The following WDR3 variants were observed in gnomAD, a reference collection of about 807,000 sequenced individuals.
WDR3 encodes the protein WD repeat domain 3, also known as WD repeat-containing protein 3.
A neutral mutation model predicts 123.7 loss-of-function variants in WDR3; 81 were observed. That is an observed-to-expected ratio of 0.65 (90% CI 0.55 to 0.79). The LOEUF is 0.79. WDR3 is among the 30% of genes least tolerant of loss of function. WDR3 has a pLI of 0.00. For synonymous variants in WDR3, 390 were observed against 388.8 expected (o/e 1.00, Z -0.04); for missense variants, 1,027 against 1,123.2 (o/e 0.91, Z 1.22).
chr1:117,958,113 T>G (rs557781060), intron 25 of WDR3, among the ~76,000 whole-genome samples: 7 of 152,280 alleles, frequency 4.6e-5, no homozygotes, highest in African/African-American at 1.7e-4. Context: ...CAAATACTGT[T>G]ATGAAGACAA....
Position 117,933,508 on chromosome 1 carries a change from A to C in WDR3, c.171+18A>C, listed in dbSNP as rs1650808260. 3 of 1,613,834 alleles carry C rather than the reference A, an allele frequency of 1.9e-6. No homozygotes were observed. The Admixed American group carries it at 5.0e-5, about 27-fold the overall frequency. ...GAGAGAAGGTGAGCCTAAAATGACC[A>C]GTTTGATACTGATTTATTGGTATTT... On this transcript the variant is annotated intron_variant, in intron 2 of 26. Coordinates refer to ENST00000349139, the MANE Select transcript of WDR3 (RefSeq NM_006784.3).
intron 1 of WDR3, among the ~76,000 whole-genome samples, chr1:117,933,077 G>A (rs1281069243): frequency 1.3e-5 from 2 of 151,400 alleles, no homozygotes; most frequent in Non-Finnish European, 2.9e-5. Context: ...GGTGGCACAT[G>A]CCTGTAGTCC....
At chr1:117,940,752 A>C (rs1057210868) in intron 6 of WDR3, 75 bp from the exon 7 acceptor site, 10 of 1,080,934 alleles carry the variant, frequency 9.3e-6, no homozygotes, top group African/African-American at 3.7e-5. Context: ...ACAACAACAA[A>C]ACAACAACAA....
At chr1:117,958,786 T>A in intron 25 of WDR3, 124 bp from the exon 26 acceptor site, 2 of 515,636 alleles carry the variant, frequency 3.9e-6, no homozygotes, top group Non-Finnish European at 6.5e-6. Flanking sequence ...TTTTTTTTGC[T>A]CGAAACATTT....
At chr1:117,956,694 A>C (rs1652248890) in intron 24 of WDR3, among the ~76,000 whole-genome samples, 1 of 152,198 alleles carries the variant, frequency 6.6e-6, no homozygotes, top group African/African-American at 2.4e-5. Context: ...ATAGTGTAGC[A>C]TTGGTGTCAG....
chr1:117,943,333 GA>G, intron 10 of WDR3, 62 bp from the exon 11 acceptor site: 1 of 1,414,974 alleles, frequency 7.1e-7, no homozygotes, highest in Non-Finnish European at 9.7e-7. Flanking sequence ...CCTTTTCCTG[GA>G]AAAAGTAAAC....
chr1:117,964,697 C>T lies in WDR3; in HGVS notation c.*5250C>T, dbSNP rs971171183. ...TTTACTTACTTTATGTATTGTCTGT[C>T]CTCCCACTGGAATGTAAGCTACATA... is the stretch of plus-strand genomic sequence containing the variant. On this transcript the variant is annotated 3_prime_UTR_variant, in exon 27 of 27. Transcript: ENST00000349139. The T allele has an allele frequency of 3.3e-5, 5 of 152,170 alleles. No individual in the cohort carries two copies. The highest frequency in any genetic ancestry group is 5.9e-5 in the Non-Finnish European group (4 of 68,010). The allele number at this position is 152,170 out of a possible 1,614,324, so 9.4% of individuals were successfully genotyped here.
chr1:117,949,754 G>T lies in WDR3; in HGVS notation c.1528G>T (p.Gly510Cys). The change falls in exon 14 of 27, where the codon GGC (glycine) becomes TGC (cysteine). Residue 510 changes from glycine (G) to cysteine (C), a missense_variant. Coordinates refer to ENST00000349139, the MANE Select transcript of WDR3 (RefSeq NM_006784.3). ...TGAAATTTCATTTGATTTTCAGCGT[G>T]GCTTTGTGACAGGTGGTGCAGATAA... ...WSMSLSPDQR[G>C]FVTGGADKSV... 6.2e-7 allele frequency: 1 copy of T among 1,612,814 alleles called. No individual in the cohort carries two copies. The highest frequency in any genetic ancestry group is 1.1e-5 in the South Asian group (1 of 90,778).
Position 117,959,735 on chromosome 1 carries a change from G to C in WDR3, c.*288G>C. 4.4e-6 allele frequency: 1 copy of C among 225,408 alleles called. No homozygotes were observed. The highest frequency in any genetic ancestry group is 8.5e-6 in the Non-Finnish European group (1 of 117,112). 14.0% of individuals were successfully genotyped at this position (225,408 alleles called of 1,614,324 possible). On this transcript the variant is annotated 3_prime_UTR_variant, in exon 27 of 27. Transcript: ENST00000349139. ...GTTGTTCCCTTTATATTCTAGCAGG[G>C]AATAAATAATTGTTTTAATTAGGTA...
intron 3 of WDR3, among the ~76,000 whole-genome samples, chr1:117,936,133 TTAAA>T (rs1381741221): frequency 6.6e-6 from 1 of 152,150 alleles, no homozygotes; most frequent in African/African-American, 2.4e-5. Flanking sequence ...AATAATAGAG[TTAAA>T]TGAATGGGGA....
chr1:117,959,188 A>G (rs993766428), intron 26 of WDR3, 104 bp from the exon 27 acceptor site: 4 of 1,433,676 alleles, frequency 2.8e-6, no homozygotes, highest in African/African-American at 2.9e-5. Context: ...TGAGGGAAAG[A>G]TAAGTAACAA....
At chr1:117,958,820 C>T (rs948823419) in intron 25 of WDR3, 90 bp from the exon 26 acceptor site, 50 of 544,346 alleles carry the variant, frequency 9.2e-5, no homozygotes, top group South Asian at 1.1e-4. Context: ...TTTGTTGTTG[C>T]TTTGATATTG....
At chr1:117,947,768 C>T (rs1230528090) in intron 12 of WDR3, among the ~76,000 whole-genome samples, 1 of 152,210 alleles carries the variant, frequency 6.6e-6, no homozygotes, top group Non-Finnish European at 1.5e-5. Context: ...CCACCTTGTG[C>T]AGAAGCTCAT....
chr1:117,963,909 G>T lies in WDR3; in HGVS notation c.*4462G>T, dbSNP rs368238767. 2 of 1,613,820 alleles carry T rather than the reference G, an allele frequency of 1.2e-6. No homozygotes were observed. The highest frequency in any genetic ancestry group is 4.5e-5 in the East Asian group (2 of 44,866). ...TTTCCCTGGGGAAAGTCTTTTGGTCGTTTATCATAATTGCTGCTTGTTAAA... is the reference window on the plus strand; with the variant it reads ...TTTCCCTGGGGAAAGTCTTTTGGTCTTTTATCATAATTGCTGCTTGTTAAA... On this transcript the variant is annotated 3_prime_UTR_variant, in exon 27 of 27. Transcript: ENST00000349139.
chr1:117,950,228 C>T (rs1651560183), intron 15 of WDR3, 98 bp downstream of exon 15: 6 of 1,371,284 alleles, frequency 4.4e-6, no homozygotes, highest in South Asian at 1.5e-5. Flanking sequence ...CTGTGCCCAG[C>T]GATAGTACAT....
intron 23 of WDR3, chr1:117,955,020 A>G: frequency 2.5e-6 from 1 of 392,866 alleles, no homozygotes; most frequent in Non-Finnish European, 4.5e-6. Context: ...ATGTTTATCT[A>G]GTAATCTCTA....
At chr1:117,937,760 G>C (rs1191041735) in intron 4 of WDR3, among the ~76,000 whole-genome samples, 1 of 152,110 alleles carries the variant, frequency 6.6e-6, no homozygotes, top group African/African-American at 2.4e-5. Context: ...GTAGTGAGGA[G>C]GTAGGGAAGA....
In WDR3 at chr1:117,953,554, A is replaced by G; in HGVS notation, c.2268+13A>G. On this transcript the variant is annotated intron_variant, in intron 21 of 26. Coordinates refer to ENST00000349139, the MANE Select transcript of WDR3 (RefSeq NM_006784.3). Reference sequence around the variant, plus strand: ...AACAGTGAAAGCAGTAAGTTGATATAGAATGTGGTATCTCGTTTTTTAATA... The same window carrying G: ...AACAGTGAAAGCAGTAAGTTGATATGGAATGTGGTATCTCGTTTTTTAATA... 2 of 1,609,144 alleles carry G rather than the reference A, an allele frequency of 1.2e-6. No individual in the cohort carries two copies. Among genetic ancestry groups the G allele is most frequent in the Non-Finnish European group, 1.7e-6 (2 of 1,177,584 alleles).
rs545726441 is a variant in WDR3, at chr1:117,953,629, A to T, written c.2268+88A>T. The T allele has an allele frequency of 3.0e-5, 42 of 1,408,158 alleles. No individual in the cohort carries two copies. The African/African-American group carries it at 4.8e-4, about 16-fold the overall frequency. The allele number at this position is 1,408,158 out of a possible 1,614,324, so 87.2% of individuals were successfully genotyped here. A position where few individuals can be genotyped will look rare whatever the true frequency, so the allele number is the denominator to read the frequency against. ...TTTATTCTGTATCAACCAGAAAGCC[A>T]TTTTTTTGGCAAAAAGTTGATGAGA... On this transcript the variant is annotated intron_variant, in intron 21 of 26. Coordinates refer to ENST00000349139, the MANE Select transcript of WDR3 (RefSeq NM_006784.3).
Sources: allele counts gnomAD v4.1 joint callset (sites outside exome capture counted in the v4.1 genomes callset), GRCh38; gene constraint gnomAD v4.1.1; transcripts MANE v1.5; gene names NCBI Gene and HGNC (gene_info 2026-07-23, HGNC 2026-07-21).